The following CSMD2 variants were observed in gnomAD, a reference collection of about 807,000 sequenced individuals.
The protein encoded by CSMD2 is CUB and Sushi multiple domains 2, also known as CUB and sushi domain-containing protein 2.
CSMD2 carries 130 observed loss-of-function variants against 398.5 expected under a neutral mutation model. The ratio of observed to expected loss-of-function variants is 0.33; its 90% CI spans 0.28 to 0.38. The LOEUF is 0.38. Among genes scored for constraint, CSMD2 ranks in the 10% least tolerant of loss-of-function variants. CSMD2 has a pLI of 1.00. For synonymous variants in CSMD2, 1,828 were observed against 1,908.5 expected, an observed-to-expected ratio of 0.96 and a Z score of 1.10; for missense variants, 3,829 against 4,764.9, an observed-to-expected ratio of 0.80 and a Z score of 5.78.
At chr1:33,852,589 C>T (rs1178092335) in intron 5 of CSMD2, among the ~76,000 whole-genome samples, 1 of 152,258 alleles carries the variant, frequency 6.6e-6, no homozygotes, top group Non-Finnish European at 1.5e-5. Context: ...CTCTATCTCT[C>T]CCTCTCCCTG....
intron 1 of CSMD2, among the ~76,000 whole-genome samples, chr1:34,130,093 C>T (rs4653391): frequency 0.93 from 140,847 of 152,186 alleles, 65,714 homozygotes; most frequent in East Asian, 1. Flanking sequence ...ATTCATGCAA[C>T]TGATAAATAT....
intron 13 of CSMD2, among the ~76,000 whole-genome samples, chr1:33,753,425 T>C (rs144461645): frequency 2.6e-4 from 39 of 152,330 alleles, no homozygotes; most frequent in African/African-American, 9.4e-4. Context: ...TAAGCTGCCA[T>C]AAGCCTTAGC....
At chr1:33,673,373 G>A (rs1272239161) in intron 25 of CSMD2, among the ~76,000 whole-genome samples, 2 of 152,188 alleles carry the variant, frequency 1.3e-5, no homozygotes, top group Admixed American at 6.5e-5. Flanking sequence ...GATGGAAGAC[G>A]AAATGAATGA....
At chr1:33,960,721 C>A (rs939062494) in intron 3 of CSMD2, among the ~76,000 whole-genome samples, 4 of 152,216 alleles carry the variant, frequency 2.6e-5, no homozygotes, top group African/African-American at 7.2e-5. Context: ...TCAGACGCCT[C>A]CTCTCCCAGC....
In CSMD2 at chr1:33,716,345, T is replaced by C. The variant is rs1290996755; in HGVS notation, c.3158A>G (p.Gln1053Arg). The change falls in exon 20 of 71, where the codon CAG becomes CGG. Residue 1053 changes from glutamine (Q) to arginine (R), a missense_variant. By Grantham distance (43) the Gln-to-Arg change is conservative. This residue lies in a region of CSMD2 where 2,001 missense variants were observed against 2,567.1 expected (regional missense o/e 0.78). Transcript: ENST00000373381. ...GGAGAAATCAGAGATGAAGCGGACC[T>C]GGGCAGTGAAGTTGCCATAGAGCCC... is the stretch of plus-strand genomic sequence containing the variant. ...SAGLYGNFTA[Q>R]VRFISDFSMS... is the part of the protein sequence containing the mutation. The C allele has an allele frequency of 1.9e-6, 3 of 1,614,074 alleles. No homozygotes were observed. Among genetic ancestry groups the C allele is most frequent in the Non-Finnish European group, 8.5e-7 (1 of 1,180,048 alleles).
chr1:33,640,372 A>T (rs1643036195), intron 29 of CSMD2, among the ~76,000 whole-genome samples: 2 of 152,224 alleles, frequency 1.3e-5, no homozygotes, highest in Non-Finnish European at 2.9e-5. Context: ...CAAAAAAATC[A>T]GATTACAGAT....
At chr1:34,161,182 C>T (rs184139294) in intron 1 of CSMD2, among the ~76,000 whole-genome samples, 4 of 152,076 alleles carry the variant, frequency 2.6e-5, no homozygotes, top group South Asian at 2.1e-4. Flanking sequence ...AAAGGAAATA[C>T]GGGAGGCTTA....
chr1:33,850,301 T>C (rs1309959858), intron 5 of CSMD2, among the ~76,000 whole-genome samples: 5 of 152,208 alleles, frequency 3.3e-5, no homozygotes, highest in Admixed American at 3.3e-4. Flanking sequence ...TGTTCTTTTG[T>C]GCTTCTCTGT....
At position 34,094,418 on chromosome 1, in the gene CSMD2, T is replaced by C. The variant is rs1659026020; in HGVS notation, c.188-5225A>G. ...AATTCACACATAACACTATTAACTT[T>C]AAATGTAAATGGACTAAATGCTCCA... On this transcript the variant is annotated intron_variant, in intron 1 of 70. Coordinates refer to ENST00000373381, the MANE Select transcript of CSMD2 (RefSeq NM_001281956.2). 2.0e-5 allele frequency among the ~76,000 whole-genome samples: 3 copies of C among 151,736 alleles called. No individual in the cohort carries two copies. In the South Asian group the frequency reaches 6.3e-4, roughly 32 times the overall value.
chr1:33,924,352 A>G (rs1229788978), intron 4 of CSMD2, among the ~76,000 whole-genome samples: 1 of 152,206 alleles, frequency 6.6e-6, no homozygotes, highest in Non-Finnish European at 1.5e-5. Flanking sequence ...TTCATTTTTT[A>G]ACATCTGAGT....
chr1:33,582,469 T>A (rs1271625201), intron 47 of CSMD2, among the ~76,000 whole-genome samples: 1 of 152,224 alleles, frequency 6.6e-6, no homozygotes, highest in African/African-American at 2.4e-5. Flanking sequence ...GTTTGCAGAC[T>A]TGAGCCAGGT....
Position 33,577,311 on chromosome 1 carries a change from T to C in CSMD2, c.7561A>G (p.Ile2521Val), listed in dbSNP as rs746696105. The C allele has an allele frequency of 1.3e-5, 21 of 1,609,566 alleles. No individual in the cohort carries two copies. The South Asian group carries it at 2.2e-4, about 17-fold the overall frequency. The change falls in exon 49 of 71, where the codon ATC becomes GTC. Residue 2521 changes from isoleucine to valine, a missense_variant. Coordinates refer to ENST00000373381, the MANE Select transcript of CSMD2 (RefSeq NM_001281956.2). ...TGCTTCTCACCTTGACAGAGAGGGA[T>C]GGCTTCGCTCCACAGGTGGTAGCCC... is the stretch of plus-strand genomic sequence containing the variant. ...PQGYHLWSEA[I>V]PLCQALSCGL...
chr1:33,660,631 T>C (rs920651005), intron 26 of CSMD2, among the ~76,000 whole-genome samples: 3 of 152,228 alleles, frequency 2.0e-5, no homozygotes, highest in Non-Finnish European at 2.9e-5. Flanking sequence ...GTTATGCCCA[T>C]AACACTGGGC....
In CSMD2 at chr1:34,054,371, T is replaced by C. The variant is rs369139121; in HGVS notation, c.405-21665A>G. On this transcript the variant is annotated intron_variant, in intron 2 of 70. Transcript: ENST00000373381. ...TTCTTCAGGCTTAATCTAGAGAACTTGCACTAAAGACAGGCATGAGTGAAC... is the reference window on the plus strand; with the variant it reads ...TTCTTCAGGCTTAATCTAGAGAACTCGCACTAAAGACAGGCATGAGTGAAC... Among the ~76,000 whole-genome samples, 28 of 152,240 alleles carry C rather than the reference T, an allele frequency of 1.8e-4. 2 individuals carry two copies. In the East Asian group the frequency reaches 4.6e-3, roughly 25 times the overall value.
intron 6 of CSMD2, among the ~76,000 whole-genome samples, chr1:33,837,487 G>C (rs1660423409): frequency 6.6e-6 from 1 of 152,142 alleles, no homozygotes; most frequent in African/African-American, 2.4e-5. Flanking sequence ...ATGCAGTGGA[G>C]GTAAAATGGA....
chr1:34,163,069 C>T lies in CSMD2; in HGVS notation c.187+1842G>A, dbSNP rs1454067625. Among the ~76,000 whole-genome samples the T allele has an allele frequency of 6.6e-6, 1 of 152,196 alleles. No homozygotes were observed. Among genetic ancestry groups the T allele is most frequent in the South Asian group, 2.1e-4 (1 of 4,830 alleles). On this transcript the variant is annotated intron_variant, in intron 1 of 70. Coordinates refer to ENST00000373381, the MANE Select transcript of CSMD2 (RefSeq NM_001281956.2). The surrounding 1 kb of genome is among the most constrained non-coding windows in gnomAD (Gnocchi z 5.4). ...CTGAGCGGTGCAAGCGCCGGTGAGT[C>T]GGCCTTTTTCTCTCCCCTAGGGGCA...
chr1:33,895,315 C>T (rs1348741555), intron 5 of CSMD2, among the ~76,000 whole-genome samples: 2 of 152,164 alleles, frequency 1.3e-5, no homozygotes, highest in Non-Finnish European at 2.9e-5. Flanking sequence ...TCTCATGATA[C>T]AGGCACAGAG....
intron 53 of CSMD2, among the ~76,000 whole-genome samples, chr1:33,566,323 C>A (rs1448578975): frequency 1.3e-5 from 2 of 148,844 alleles, no homozygotes; most frequent in East Asian, 2.0e-4. Context: ...AAAAAACAAC[C>A]AAATAACCTA....
At position 33,658,199 on chromosome 1, in the gene CSMD2, C is replaced by T. The variant is rs1483089764; in HGVS notation, c.4256-62G>A. ...TGGGTGTCTGCCACTCAGGAGGCTCCCAGCTCATCACCCTCACTGATTGCC... is the reference window on the plus strand; with the variant it reads ...TGGGTGTCTGCCACTCAGGAGGCTCTCAGCTCATCACCCTCACTGATTGCC... On this transcript the variant is annotated intron_variant, in intron 26 of 70. Coordinates refer to ENST00000373381, the MANE Select transcript of CSMD2 (RefSeq NM_001281956.2). The T allele has an allele frequency of 2.8e-6, 4 of 1,427,030 alleles. No individual in the cohort carries two copies. The African/African-American group carries it at 5.6e-5, about 20-fold the overall frequency. 88.4% of individuals were successfully genotyped at this position (1,427,030 alleles called of 1,614,324 possible).
Sources: allele counts gnomAD v4.1 joint callset (sites outside exome capture counted in the v4.1 genomes callset), GRCh38; gene constraint gnomAD v4.1.1; regional missense constraint gnomAD v4.1.1; non-coding constraint Gnocchi (gnomAD v3.1); transcripts MANE v1.5; gene names NCBI Gene and HGNC (gene_info 2026-07-23, HGNC 2026-07-21).